The following PARP8 variants were observed in gnomAD, a reference collection of about 807,000 sequenced individuals.
PARP8 encodes protein mono-ADP-ribosyltransferase PARP8.
A neutral mutation model predicts 124.1 loss-of-function variants in PARP8; 51 were observed. The ratio of observed to expected loss-of-function variants is 0.41; its 90% confidence interval spans 0.33 to 0.52. The LOEUF is 0.52. PARP8 is among the 20% of genes least tolerant of loss of function. The pLI, the probability that PARP8 is intolerant of heterozygous loss-of-function variation, is 0.21. For missense variants in PARP8, 860 were observed against 1,018.9 expected, an observed-to-expected ratio of 0.84 and a Z score of 2.12; for synonymous variants, 391 against 361.5, an observed-to-expected ratio of 1.08 and a Z score of -0.93.
At chr5:50,739,209 T>C in intron 2 of PARP8, 2 of 612,760 alleles carry the variant, frequency 3.3e-6, no homozygotes, top group Middle Eastern at 4.1e-4. Flanking sequence ...GGATCTGTTA[T>C]CCTGATGGCT....
chr5:50,666,924 T>TC lies in PARP8; in HGVS notation c.-170dup. The TC allele has an allele frequency of 2.0e-6, 1 of 506,424 alleles. No homozygotes were observed. Among genetic ancestry groups the TC allele is most frequent in the Admixed American group, 6.5e-5 (1 of 15,414 alleles). 31.4% of individuals were successfully genotyped at this position (506,424 alleles called of 1,614,324 possible). A position where few individuals can be genotyped will look rare whatever the true frequency, so the allele number is the denominator to read the frequency against. Reference sequence around the variant, plus strand: ...CTCCCCCTCCTCCTCCTCCTCCCCCTCCTCCTCCTCCTCTTCTCTCACCCA... The same window carrying TC: ...CTCCCCCTCCTCCTCCTCCTCCCCCTCCCTCCTCCTCCTCTTCTCTCACCCA... On this transcript the variant is annotated 5_prime_UTR_variant, in exon 1 of 26. It introduces an in-frame stop codon into an upstream open reading frame of the 5' UTR. Transcript: ENST00000281631.
chr5:50,811,200 G>A (rs1744396361), intron 14 of PARP8, among the ~76,000 whole-genome samples: 1 of 151,996 alleles, frequency 6.6e-6, no homozygotes, highest in Non-Finnish European at 1.5e-5. Context: ...TTCATCCTGA[G>A]GAATGCAGGT....
intron 2 of PARP8, among the ~76,000 whole-genome samples, chr5:50,675,434 A>G (rs188085057): frequency 6.6e-6 from 1 of 152,186 alleles, no homozygotes; most frequent in East Asian, 1.9e-4. Flanking sequence ...TCTCTCAAGT[A>G]ACTGGGATTA....
chr5:50,731,589 A>G (rs1229511027), intron 2 of PARP8, among the ~76,000 whole-genome samples: 1 of 152,204 alleles, frequency 6.6e-6, no homozygotes, highest in East Asian at 1.9e-4. Context: ...TGATCGTAGT[A>G]TGATGGGAAA....
intron 25 of PARP8, among the ~76,000 whole-genome samples, chr5:50,838,078 C>T (rs1201675298): frequency 2.6e-5 from 4 of 152,058 alleles, no homozygotes; most frequent in South Asian, 2.1e-4. Context: ...AAAATGCTCA[C>T]GTTATAACTG....
intron 9 of PARP8, among the ~76,000 whole-genome samples, chr5:50,780,661 C>T (rs79413661): frequency 6.6e-6 from 1 of 152,088 alleles, no homozygotes; most frequent in Non-Finnish European, 1.5e-5. Context: ...TTTCTTTCAT[C>T]TGTATTGGTT....
chr5:50,748,193 T>TTA (rs139256133), intron 2 of PARP8, among the ~76,000 whole-genome samples: 1 of 150,098 alleles, frequency 6.7e-6, no homozygotes, highest in Non-Finnish European at 1.5e-5. Flanking sequence ...TTTAAGCAGT[T>TTA]TGTGTGTGTG....
In PARP8 at chr5:50,750,204, T is replaced by G; in HGVS notation, c.184+16T>G. 6.4e-7 allele frequency: 1 copy of G among 1,566,112 alleles called. No homozygotes were observed. Among genetic ancestry groups the G allele is most frequent in the Non-Finnish European group, 8.8e-7 (1 of 1,137,670 alleles). ...GATTACCCAGGTATGCTTTTCTTGT[T>G]TTATTACAGATATTCGTATCAGGGT... On this transcript the variant is annotated intron_variant, in intron 3 of 25. Transcript: ENST00000281631.
chr5:50,694,991 C>T (rs983748705), intron 2 of PARP8, among the ~76,000 whole-genome samples: 6 of 152,170 alleles, frequency 3.9e-5, no homozygotes, highest in African/African-American at 7.2e-5. Context: ...TTCAGCAAGT[C>T]GGCTTTGTTC....
chr5:50,672,615 C>T (rs189401820), intron 2 of PARP8, among the ~76,000 whole-genome samples: 16 of 152,192 alleles, frequency 1.1e-4, no homozygotes, highest in Non-Finnish European at 2.4e-4. Flanking sequence ...GATACTAGGG[C>T]GTGATGAGGA....
intron 7 of PARP8, among the ~76,000 whole-genome samples, chr5:50,773,366 A>T (rs74899364): frequency 0.021 from 3,178 of 152,184 alleles, 54 homozygotes; most frequent in Admixed American, 0.061. Flanking sequence ...GAAGATAGGG[A>T]TCTAGTTTCA....
At chr5:50,710,160 T>A (rs1754628386) in intron 2 of PARP8, among the ~76,000 whole-genome samples, 1 of 151,974 alleles carries the variant, frequency 6.6e-6, no homozygotes, top group Non-Finnish European at 1.5e-5. Flanking sequence ...TTTTATTACA[T>A]CTTTGTGCTC....
At chr5:50,753,080 G>A (rs1327665612) in intron 3 of PARP8, among the ~76,000 whole-genome samples, 1 of 151,760 alleles carries the variant, frequency 6.6e-6, no homozygotes, top group Non-Finnish European at 1.5e-5. Flanking sequence ...AAATAGAGAG[G>A]CCTTGTGATT....
chr5:50,721,122 A>G (rs1466050730), intron 2 of PARP8, among the ~76,000 whole-genome samples: 4 of 151,694 alleles, frequency 2.6e-5, no homozygotes, highest in Non-Finnish European at 5.9e-5. Flanking sequence ...TGTGTATGAA[A>G]TATTTCTGAG....
At chr5:50,729,226 T>A (rs1756735949) in intron 2 of PARP8, among the ~76,000 whole-genome samples, 1 of 152,206 alleles carries the variant, frequency 6.6e-6, no homozygotes, top group African/African-American at 2.4e-5. Flanking sequence ...GGATAACTAA[T>A]CAATTTGCAA....
Position 50,794,834 on chromosome 5 carries a change from T to C in PARP8, c.864-19T>C. 6.3e-7 allele frequency: 1 copy of C among 1,598,918 alleles called. No homozygotes were observed. Among genetic ancestry groups the C allele is most frequent in the South Asian group, 1.1e-5 (1 of 88,930 alleles). ...GTACCTGTGATTTGCCCTGTAGTAA[T>C]TGTTGTTCAATTTTGAAGGTCGCCA... On this transcript the variant is annotated intron_variant, in intron 11 of 25. Transcript: ENST00000281631.
intron 14 of PARP8, among the ~76,000 whole-genome samples, chr5:50,799,594 A>G (rs1390098375): frequency 6.6e-6 from 1 of 152,190 alleles, no homozygotes. Flanking sequence ...CATTTCTGCA[A>G]AAAGGCAGTT....
At chr5:50,797,844 A>C in intron 14 of PARP8, among the ~76,000 whole-genome samples, 1 of 152,360 alleles carries the variant, frequency 6.6e-6, no homozygotes, top group Middle Eastern at 3.4e-3. Context: ...CACTACTTAA[A>C]GTATACAATT....
chr5:50,723,410 TATG>T, intron 2 of PARP8, among the ~76,000 whole-genome samples: 1 of 152,222 alleles, frequency 6.6e-6, no homozygotes, highest in East Asian at 1.9e-4. Flanking sequence ...TGATGATGAT[TATG>T]ATGATGGCAA....
Sources: gnomAD v4.1 joint callset for allele counts (sites outside exome capture counted in the v4.1 genomes callset) on GRCh38, gnomAD v4.1.1 for gene constraint, MANE v1.5 for transcripts, NCBI Gene and HGNC (gene_info 2026-07-23, HGNC 2026-07-21) for gene names.